The following PDIA4 variants were observed in gnomAD, a reference collection of about 807,000 sequenced individuals.
PDIA4 encodes the protein protein disulfide-isomerase A4.
Under a neutral mutation model 62.1 loss-of-function variants are expected in PDIA4, and 33 were observed. The ratio of observed to expected loss-of-function variants is 0.53; its 90% confidence interval spans 0.40 to 0.71. PDIA4 has a LOEUF of 0.71. Among genes scored for constraint, PDIA4 ranks in the 30% least tolerant of loss-of-function variants. PDIA4 has a pLI of 0.00. For synonymous variants in PDIA4, 341 were observed against 324.1 expected (o/e 1.05, Z -0.56); for missense variants, 804 against 813.6 (o/e 0.99, Z 0.14).
intron 6 of PDIA4, among the ~76,000 whole-genome samples, chr7:149,009,300 A>G (rs1823864680): frequency 6.6e-6 from 1 of 152,198 alleles, no homozygotes; most frequent in South Asian, 2.1e-4. Flanking sequence ...AAAATAAATA[A>G]CAACAACAAC....
At chr7:149,020,252 T>C (rs138502367) in intron 2 of PDIA4, among the ~76,000 whole-genome samples, 369 of 152,330 alleles carry the variant, frequency 2.4e-3, no homozygotes, top group African/African-American at 8.6e-3. Context: ...TGAGCCACCA[T>C]GCCCGGCCTA....
chr7:149,007,272 T>C (rs922730680), intron 7 of PDIA4, among the ~76,000 whole-genome samples: 1 of 152,130 alleles, frequency 6.6e-6, no homozygotes, highest in African/African-American at 2.4e-5. Context: ...GGTACTGCCA[T>C]GTTCTGGTGC....
chr7:149,008,788 C>T (rs187451834), intron 6 of PDIA4, among the ~76,000 whole-genome samples: 2 of 151,340 alleles, frequency 1.3e-5, no homozygotes, highest in Admixed American at 1.3e-4. Context: ...ATAACTTAAA[C>T]ACTTGAAAGG....
chr7:149,010,662 T>C (rs961254669), intron 6 of PDIA4, among the ~76,000 whole-genome samples: 2 of 152,176 alleles, frequency 1.3e-5, no homozygotes, highest in African/African-American at 4.8e-5. Context: ...AGCCGCCCTC[T>C]CTGCTCCGGC....
chr7:149,022,763 G>GC (rs1400089716), intron 1 of PDIA4, among the ~76,000 whole-genome samples: 3 of 152,136 alleles, frequency 2.0e-5, no homozygotes, highest in Non-Finnish European at 4.4e-5. Flanking sequence ...GGCTGTGCCT[G>GC]CCCTCTGCTC....
chr7:149,009,755 G>C (rs558997928), intron 6 of PDIA4, among the ~76,000 whole-genome samples: 92 of 152,354 alleles, frequency 6.0e-4, no homozygotes, highest in African/African-American at 1.9e-3. Context: ...TGTGGACAAA[G>C]CTGTGTTCCA....
At chr7:149,012,909 G>T (rs940205021) in intron 4 of PDIA4, among the ~76,000 whole-genome samples, 1 of 152,012 alleles carries the variant, frequency 6.6e-6, no homozygotes, top group Non-Finnish European at 1.5e-5. Flanking sequence ...GGGAGGAGAT[G>T]AGGGAGAGTC....
chr7:149,009,767 T>C (rs1823882444), intron 6 of PDIA4, among the ~76,000 whole-genome samples: 1 of 152,184 alleles, frequency 6.6e-6, no homozygotes, highest in African/African-American at 2.4e-5. Context: ...TGTGTTCCAA[T>C]GAGATGTCAC....
Position 149,011,831 on chromosome 7 carries a change from A to AG in PDIA4, c.979+14dup. On this transcript the variant is annotated intron_variant, in intron 6 of 9. Transcript: ENST00000652332. ...GGCACGCACATTTTGTTCAGCCCAGAGGGCCACAACTCACCGGCATCCTGG... is the reference window on the plus strand; with the variant it reads ...GGCACGCACATTTTGTTCAGCCCAGAGGGGCCACAACTCACCGGCATCCTGG... The AG allele has an allele frequency of 6.5e-7, 1 of 1,545,086 alleles. No homozygotes were observed. The highest frequency in any genetic ancestry group is 8.7e-7 in the Non-Finnish European group (1 of 1,145,928).
intron 8 of PDIA4, 120 bp downstream of exon 8, chr7:149,005,777 G>T: frequency 1.3e-6 from 1 of 773,668 alleles, no homozygotes; most frequent in Non-Finnish European, 2.0e-6. Context: ...AGGGCCCCAG[G>T]CTGGGATTTC....
chr7:149,019,258 CAAT>C (rs1330656775), intron 2 of PDIA4, 61 bp from the exon 3 acceptor site: 2 of 1,163,660 alleles, frequency 1.7e-6, no homozygotes, highest in Admixed American at 1.7e-5. Flanking sequence ...TTAAATCCAA[CAAT>C]AATACATACC....
intron 7 of PDIA4, among the ~76,000 whole-genome samples, chr7:149,006,798 C>T (rs1823772724): frequency 6.6e-6 from 1 of 152,228 alleles, no homozygotes; most frequent in Admixed American, 6.5e-5. Context: ...ATCCAACTAT[C>T]TCCCAGGTGG....
chr7:149,014,780 C>A (rs2129504831), intron 4 of PDIA4, 124 bp downstream of exon 4: 2 of 839,556 alleles, frequency 2.4e-6, no homozygotes, highest in Non-Finnish European at 3.8e-6. Context: ...GAGCCTCAAT[C>A]CTGGCCTACA....
Position 149,004,217 on chromosome 7 carries a change from G to C in PDIA4, c.1523-8C>G. On this transcript the variant is annotated splice_region_variant and splice_polypyrimidine_tract_variant and intron_variant, in intron 9 of 9. Transcript: ENST00000652332. ...TGACTGGCTTCAGTTTTCCTGCCAA[G>C]GAAAGCAAGGCGGGAGGGGGCGTCA... 1 of 1,608,458 alleles carries C rather than the reference G, an allele frequency of 6.2e-7. No individual in the cohort carries two copies. The highest frequency in any genetic ancestry group is 8.5e-7 in the Non-Finnish European group (1 of 1,176,428).
intron 1 of PDIA4, among the ~76,000 whole-genome samples, chr7:149,026,004 T>C (rs1824539831): frequency 6.6e-6 from 1 of 151,976 alleles, no homozygotes; most frequent in Non-Finnish European, 1.5e-5. Flanking sequence ...TTAGGGTGTA[T>C]TTAGTAACCA....
chr7:149,022,955 C>G (rs1444490801), intron 1 of PDIA4, among the ~76,000 whole-genome samples: 1 of 152,238 alleles, frequency 6.6e-6, no homozygotes, highest in Non-Finnish European at 1.5e-5. Flanking sequence ...TCCTGACTTG[C>G]ACATTCCTGT....
chr7:149,024,530 G>C (rs1326975027), intron 1 of PDIA4, among the ~76,000 whole-genome samples: 1 of 152,046 alleles, frequency 6.6e-6, no homozygotes. Flanking sequence ...ATACATCCAG[G>C]GCCGGGCATG....
intron 2 of PDIA4, among the ~76,000 whole-genome samples, chr7:149,020,675 C>T (rs1263230820): frequency 6.6e-6 from 1 of 152,224 alleles, no homozygotes; most frequent in Admixed American, 6.5e-5. Flanking sequence ...GGCTCTGTGT[C>T]ATTGCCGCTT....
intron 3 of PDIA4, among the ~76,000 whole-genome samples, chr7:149,015,667 A>C (rs531168959): frequency 6.6e-6 from 1 of 152,340 alleles, no homozygotes; most frequent in African/African-American, 2.4e-5. Flanking sequence ...AAATGTGCCA[A>C]GCAGTTCTTA....
Sources: allele counts gnomAD v4.1 joint callset (sites outside exome capture counted in the v4.1 genomes callset), GRCh38; gene constraint gnomAD v4.1.1; transcripts MANE v1.5; gene names NCBI Gene and HGNC (gene_info 2026-07-23, HGNC 2026-07-21).